MEGF6: variants seen among roughly 807,000 people sequenced by gnomAD.
MEGF6 encodes multiple epidermal growth factor-like domains protein 6.
A neutral mutation model predicts 207.1 loss-of-function variants in MEGF6; 184 were observed. That is an observed-to-expected ratio of 0.89 (90% confidence interval 0.79 to 1.00). The LOEUF (loss-of-function observed/expected upper bound fraction) is 1.00, where lower values mean the gene tolerates loss of function less well. Among genes scored for constraint, MEGF6 ranks in the 50% least tolerant of loss-of-function variants. MEGF6 has a pLI of 0.00. For synonymous variants in MEGF6, 1,038 were observed against 910.0 expected, an observed-to-expected ratio of 1.14 and a Z score of -2.53; for missense variants, 2,282 against 2,202.9, an observed-to-expected ratio of 1.04 and a Z score of -0.72.
At chr1:3,545,385 G>C (rs1321359059) in intron 4 of MEGF6, among the ~76,000 whole-genome samples, 1 of 152,132 alleles carries the variant, frequency 6.6e-6, no homozygotes, top group Non-Finnish European at 1.5e-5. Context: ...GCAGCCGCAG[G>C]GGGGAAAATG....
At chr1:3,561,180 G>C (rs572457054) in intron 4 of MEGF6, among the ~76,000 whole-genome samples, 36 of 152,342 alleles carry the variant, frequency 2.4e-4, no homozygotes, top group African/African-American at 7.9e-4. Flanking sequence ...ATGGAAGGGG[G>C]AGATGCAGGC....
At chr1:3,552,863 C>G (rs965437756) in intron 4 of MEGF6, among the ~76,000 whole-genome samples, 3 of 152,074 alleles carry the variant, frequency 2.0e-5, no homozygotes, top group Admixed American at 6.5e-5. Context: ...CTTCCAGTCC[C>G]CCACCAGGTA....
intron 4 of MEGF6, among the ~76,000 whole-genome samples, chr1:3,566,401 G>A (rs1251441073): frequency 6.6e-6 from 1 of 152,220 alleles, no homozygotes; most frequent in Non-Finnish European, 1.5e-5. Context: ...GAACAGGGTT[G>A]GCACTGGGCA....
chr1:3,527,877 C>T (rs1019557302), intron 4 of MEGF6, among the ~76,000 whole-genome samples: 3 of 152,230 alleles, frequency 2.0e-5, no homozygotes, highest in Admixed American at 6.5e-5. Flanking sequence ...CAGCCGGGTT[C>T]GGCTCCACCT....
At chr1:3,593,914 C>T (rs1232895968) in intron 3 of MEGF6, among the ~76,000 whole-genome samples, 1 of 152,192 alleles carries the variant, frequency 6.6e-6, no homozygotes, top group Admixed American at 6.5e-5. Context: ...TTACCCACTT[C>T]CTCTACTGGA....
At chr1:3,578,586 T>C (rs1315314952) in intron 4 of MEGF6, among the ~76,000 whole-genome samples, 1 of 151,176 alleles carries the variant, frequency 6.6e-6, no homozygotes, top group East Asian at 2.0e-4. Context: ...TCTCAGTCCA[T>C]GGTCACTGCA....
the MEGF6 span, among the ~76,000 whole-genome samples, chr1:3,621,411 G>A: frequency 6.6e-6 from 1 of 152,206 alleles, no homozygotes; most frequent in Non-Finnish European, 1.5e-5. Flanking sequence ...TGTCCCCTCA[G>A]CTCCCATCTC....
At chr1:3,583,013 G>T (rs1432828255) in intron 3 of MEGF6, among the ~76,000 whole-genome samples, 1 of 152,136 alleles carries the variant, frequency 6.6e-6, no homozygotes, top group African/African-American at 2.4e-5. Context: ...ATGAAGGGGT[G>T]AATGAATGAA....
At position 3,496,604 on chromosome 1, in the gene MEGF6, C is replaced by T. The variant is rs149711898; in HGVS notation, c.3742+51G>A. 1.1e-3 allele frequency: 1,751 copies of T among 1,555,576 alleles called. 34 individuals carry two copies. The East Asian group carries it at 0.033, about 29-fold the overall frequency. On this transcript the variant is annotated intron_variant, in intron 29 of 36. Coordinates refer to ENST00000356575, the MANE Select transcript of MEGF6 (RefSeq NM_001409.4). ...TCCTCCTGCAGGCTGGCTGGCCCTACCCTGGAGACACAGGAGGCGCCACTC... is the reference window on the plus strand; with the variant it reads ...TCCTCCTGCAGGCTGGCTGGCCCTATCCTGGAGACACAGGAGGCGCCACTC...
chr1:3,525,251 C>T (rs1405587061), intron 4 of MEGF6, among the ~76,000 whole-genome samples: 1 of 152,232 alleles, frequency 6.6e-6, no homozygotes, highest in Non-Finnish European at 1.5e-5. Flanking sequence ...CCCGTCAGAC[C>T]CTCCCTGCCC....
chr1:3,576,877 G>A lies in MEGF6; in HGVS notation c.481+2948C>T, dbSNP rs367648992. Reference sequence around the variant, plus strand: ...GCCCAGCCCTGCACACTCCACCCCCGCACACCTGGCCCTGCACACTCCACC... The same window carrying A: ...GCCCAGCCCTGCACACTCCACCCCCACACACCTGGCCCTGCACACTCCACC... On this transcript the variant is annotated intron_variant, in intron 4 of 36. Coordinates refer to ENST00000356575, the MANE Select transcript of MEGF6 (RefSeq NM_001409.4). Among the ~76,000 whole-genome samples the A allele has an allele frequency of 4.9e-5, 7 of 142,648 alleles. No individual in the cohort carries two copies. The East Asian group carries it at 6.3e-4, about 13-fold the overall frequency. 93.6% of individuals were successfully genotyped at this position (142,648 alleles called of 152,430 possible).
intron 21 of MEGF6, 136 bp downstream of exon 21, chr1:3,500,497 G>A (rs1003417470): frequency 4.7e-6 from 6 of 1,288,332 alleles, no homozygotes; most frequent in Non-Finnish European, 6.2e-6. Context: ...GCGCACAGGA[G>A]GGGGCGCGGC....
chr1:3,596,311 G>A (rs1644064595), intron 2 of MEGF6, among the ~76,000 whole-genome samples: 1 of 152,002 alleles, frequency 6.6e-6, no homozygotes, highest in Non-Finnish European at 1.5e-5. Context: ...TGGCCAGCCT[G>A]AGAAGGTGCC....
intron 3 of MEGF6, among the ~76,000 whole-genome samples, chr1:3,592,834 G>A (rs1239495509): frequency 2.6e-5 from 4 of 152,146 alleles, no homozygotes; most frequent in African/African-American, 9.7e-5. Context: ...AGCAAATCTT[G>A]CGCTAAAAAC....
intron 4 of MEGF6, among the ~76,000 whole-genome samples, chr1:3,557,418 G>A (rs1023566935): frequency 1.3e-5 from 2 of 152,218 alleles, no homozygotes; most frequent in East Asian, 3.9e-4. Flanking sequence ...GGTGGCGAGG[G>A]CATCCTGCCC....
At chr1:3,516,032 G>A (rs909719843) in intron 5 of MEGF6, among the ~76,000 whole-genome samples, 8 of 152,222 alleles carry the variant, frequency 5.3e-5, no homozygotes, top group Non-Finnish European at 1.2e-4. Context: ...CAGCTGCCAT[G>A]GGCCACAGGC....
At chr1:3,578,716 CCAA>C (rs61161473) in intron 4 of MEGF6, among the ~76,000 whole-genome samples, 100,577 of 138,946 alleles carry the variant, frequency 0.72, 37,965 homozygotes, top group Non-Finnish European at 0.82. Flanking sequence ...GTCCGCCTTT[CCAA>C]CAATGGCCAA....
In MEGF6 at chr1:3,508,811, C is replaced by T. The variant is rs1487854487; in HGVS notation, c.1529-122G>A. On this transcript the variant is annotated intron_variant, in intron 12 of 36. Transcript: ENST00000356575. Reference sequence around the variant, plus strand: ...AAGGGGCATCCTCGGCCCATGAGGGCCCCCAAAGGGTGACATGGGGACAGA... The same window carrying T: ...AAGGGGCATCCTCGGCCCATGAGGGTCCCCAAAGGGTGACATGGGGACAGA... 3.1e-6 allele frequency: 4 copies of T among 1,301,406 alleles called. No individual in the cohort carries two copies. In the East Asian group the frequency reaches 7.2e-5, roughly 24 times the overall value. 80.6% of individuals were successfully genotyped at this position (1,301,406 alleles called of 1,614,324 possible).
chr1:3,517,253 C>T (rs1280640872), intron 5 of MEGF6, among the ~76,000 whole-genome samples: 1 of 152,220 alleles, frequency 6.6e-6, no homozygotes, highest in Non-Finnish European at 1.5e-5. Context: ...GCCACAAGGG[C>T]CCAGGAGGCT....
Sources: allele counts gnomAD v4.1 joint callset (sites outside exome capture counted in the v4.1 genomes callset), GRCh38; gene constraint gnomAD v4.1.1; transcripts MANE v1.5; gene names NCBI Gene and HGNC (gene_info 2026-07-23, HGNC 2026-07-21).